The following SLF1 variants were observed in gnomAD, a reference collection of about 807,000 sequenced individuals.
SLF1 encodes SMC5/6 complex localization factor 1, also known as SMC5-SMC6 complex localization factor protein 1.
Under a neutral mutation model 123.0 loss-of-function variants are expected in SLF1, and 105 were observed. The ratio of observed to expected loss-of-function variants is 0.85; its 90% CI spans 0.73 to 1.00. The LOEUF is 1.00. SLF1 is among the 50% of genes least tolerant of loss of function. SLF1 has a pLI of 0.00. For missense variants in SLF1, 1,239 were observed against 1,223.0 expected, an observed-to-expected ratio of 1.01 and a Z score of -0.20; for synonymous variants, 434 against 406.6, an observed-to-expected ratio of 1.07 and a Z score of -0.81.
rs1330408055 is a variant in SLF1, at chr5:94,692,227, A to C, written c.2666A>C (p.Glu889Ala). The C allele has an allele frequency of 2.5e-6, 4 of 1,613,560 alleles. No individual in the cohort carries two copies. The Admixed American group carries it at 6.7e-5, about 27-fold the overall frequency. ...GATGCACTGTCAAACGGACATGTAGAAATTGGCAAGCTGCTACTACAGCAT... is the reference window on the plus strand; with the variant it reads ...GATGCACTGTCAAACGGACATGTAGCAATTGGCAAGCTGCTACTACAGCAT... ...LHDALSNGHV[E>A]IGKLLLQHGG... The change falls in exon 20 of 21, where the codon GAA (glutamate) becomes GCA (alanine). Residue 889 changes from glutamate to alanine, a missense_variant. Physicochemically the swap from Glu to Ala is moderately radical, Grantham distance 107 (BLOSUM62 -1). Coordinates refer to ENST00000265140, the MANE Select transcript of SLF1 (RefSeq NM_032290.4).
rs770598719 is a variant in SLF1 at position 94,695,196 on chromosome 5, C to T, written c.3061C>T (p.Leu1021Phe). 3 of 1,612,654 alleles carry T rather than the reference C, an allele frequency of 1.9e-6. No homozygotes were observed. In the Admixed American group the frequency reaches 5.0e-5, roughly 27 times the overall value. ...YAGNIKTLQK[L>F]PHILKELPEN... is the part of the protein sequence containing the mutation. ...TGGAAATATAAAGACATTGCAGAAA[C>T]TCCCACACATTCTTAAGGAACTGCC... The change falls in exon 21 of 21, where the codon CTC becomes TTC. Residue 1021 changes from leucine (L) to phenylalanine (F), a missense_variant. Physicochemically the swap from Leu to Phe is conservative, Grantham distance 22. Transcript: ENST00000265140.
chr5:94,642,214 G>A (rs1463711237), intron 4 of SLF1, among the ~76,000 whole-genome samples: 1 of 152,112 alleles, frequency 6.6e-6, no homozygotes, highest in Admixed American at 6.5e-5. Context: ...ACATCTATCC[G>A]TTAATGGCAG....
At chr5:94,628,529 C>T (rs921666282) in intron 1 of SLF1, among the ~76,000 whole-genome samples, 1 of 152,210 alleles carries the variant, frequency 6.6e-6, no homozygotes, top group Non-Finnish European at 1.5e-5. Context: ...ATTTATTCAT[C>T]AATGTGTTTT....
chr5:94,629,880 C>A (rs952549783), intron 3 of SLF1, among the ~76,000 whole-genome samples: 1 of 152,134 alleles, frequency 6.6e-6, no homozygotes, highest in Non-Finnish European at 1.5e-5. Context: ...TGTGGAGGCT[C>A]ATGCCTGTAA....
At chr5:94,632,982 C>T (rs975634726) in intron 4 of SLF1, among the ~76,000 whole-genome samples, 2 of 150,810 alleles carry the variant, frequency 1.3e-5, no homozygotes, top group African/African-American at 4.9e-5. Context: ...AGCCACCGCG[C>T]CCGACCTTTA....
intron 5 of SLF1, among the ~76,000 whole-genome samples, chr5:94,643,983 C>T (rs769704163): frequency 1.2e-4 from 18 of 152,074 alleles, no homozygotes; most frequent in East Asian, 7.7e-4. Context: ...TTTCCCATCT[C>T]GTAGATACCA....
chr5:94,631,473 A>G (rs547108800), intron 4 of SLF1, among the ~76,000 whole-genome samples: 1 of 152,198 alleles, frequency 6.6e-6, no homozygotes, highest in African/African-American at 2.4e-5. Context: ...GACTAGATGT[A>G]TACTTTTTAA....
intron 18 of SLF1, among the ~76,000 whole-genome samples, chr5:94,690,562 ATATAG>A: frequency 6.6e-6 from 1 of 152,274 alleles, no homozygotes; most frequent in South Asian, 2.1e-4. Flanking sequence ...GAGAATTGAG[ATATAG>A]TAGAGAAAAA....
At chr5:94,682,642 A>T (rs1181945662) in intron 15 of SLF1, among the ~76,000 whole-genome samples, 1 of 152,230 alleles carries the variant, frequency 6.6e-6, no homozygotes, top group African/African-American at 2.4e-5. Flanking sequence ...AATTAAGGCA[A>T]CAGATATTTT....
chr5:94,631,799 T>C (rs1054871256), intron 4 of SLF1, among the ~76,000 whole-genome samples: 2 of 152,090 alleles, frequency 1.3e-5, no homozygotes, highest in Non-Finnish European at 2.9e-5. Flanking sequence ...GAGATGGCAA[T>C]TATGTGTGTA....
intron 12 of SLF1, among the ~76,000 whole-genome samples, chr5:94,669,252 A>C (rs550489569): frequency 1.3e-5 from 2 of 152,300 alleles, no homozygotes; most frequent in South Asian, 2.1e-4. Flanking sequence ...CTATGTGGGC[A>C]TGAAGGATCT....
intron 9 of SLF1, among the ~76,000 whole-genome samples, chr5:94,657,321 T>C (rs139060096): frequency 3.6e-4 from 55 of 152,166 alleles, no homozygotes; most frequent in African/African-American, 1.2e-3. Flanking sequence ...TTTAGGAACA[T>C]GTGATTTTAT....
At position 94,628,833 on chromosome 5, in the gene SLF1, A is replaced by G. The variant is rs1585101744; in HGVS notation, c.23A>G (p.His8Arg). The G allele has an allele frequency of 1.3e-6, 2 of 1,548,076 alleles. No individual in the cohort carries two copies. Among genetic ancestry groups the G allele is most frequent in the African/African-American group, 2.7e-5 (2 of 72,880 alleles). Residue 8 changes from histidine (H) to arginine (R), a missense_variant, in exon 2 of 21, where the codon CAT (histidine) becomes CGT (arginine). Transcript: ENST00000265140. MEDGTPK[H>R]IIQMTGFKME... The stretch of plus-strand genomic sequence containing the variant: ...TAGATGGAAGATGGTACCCCAAAGC[A>G]TATCATCCAGATGACAGGATTTAAG...
At position 94,693,845 on chromosome 5, in the gene SLF1, T is replaced by G. The variant is rs189449340; in HGVS notation, c.2696-986T>G. 2.0e-4 allele frequency among the ~76,000 whole-genome samples: 30 copies of G among 151,938 alleles called. No homozygotes were observed. The East Asian group carries it at 5.0e-3, about 26-fold the overall frequency. On this transcript the variant is annotated intron_variant, in intron 20 of 20. Coordinates refer to ENST00000265140, the MANE Select transcript of SLF1 (RefSeq NM_032290.4). ...GGAGCCTAATTTTGTTTTAGAATTA[T>G]CTTCTTTCCATAAATTATACATTAA...
intron 15 of SLF1, among the ~76,000 whole-genome samples, chr5:94,685,173 G>A (rs1321986333): frequency 6.6e-6 from 1 of 152,158 alleles, no homozygotes; most frequent in African/African-American, 2.4e-5. Context: ...ACATTGACTG[G>A]GTGTCTGCAT....
chr5:94,696,026 G>A lies in SLF1; in HGVS notation c.*714G>A, dbSNP rs1166691877. On this transcript the variant is annotated 3_prime_UTR_variant, in exon 21 of 21. Transcript: ENST00000265140. ...TACCTGAAAACATTCTGCTGCATAG[G>A]TTTATGAGTTTAATATTAAGATATT... The A allele has an allele frequency of 2.6e-5, 4 of 151,656 alleles. No homozygotes were observed. Among genetic ancestry groups the A allele is most frequent in the Non-Finnish European group, 4.4e-5 (3 of 67,782 alleles). 9.4% of individuals were successfully genotyped at this position (151,656 alleles called of 1,614,324 possible). A position where few individuals can be genotyped will look rare whatever the true frequency, so the allele number is the denominator to read the frequency against.
chr5:94,679,067 ATAGT>A, intron 15 of SLF1, 112 bp downstream of exon 15: 1 of 1,184,562 alleles, frequency 8.4e-7, no homozygotes, highest in East Asian at 2.4e-5. Context: ...TTTCCTTAAA[ATAGT>A]TATGGATGCA....
chr5:94,691,313 A>C, intron 18 of SLF1: 1 of 429,100 alleles, frequency 2.3e-6, no homozygotes, highest in Non-Finnish European at 4.1e-6. Context: ...CCTGTGTTAA[A>C]CCTTTTGCAG....
chr5:94,654,573 T>A, intron 8 of SLF1, 57 bp from the exon 9 acceptor site: 15 of 1,370,318 alleles, frequency 1.1e-5, no homozygotes, highest in Non-Finnish European at 1.5e-5. Flanking sequence ...TGATATCATC[T>A]GTGTTGACAC....
Sources: gnomAD v4.1 joint callset for allele counts (sites outside exome capture counted in the v4.1 genomes callset) on GRCh38, gnomAD v4.1.1 for gene constraint, MANE v1.5 for transcripts, NCBI Gene and HGNC (gene_info 2026-07-23, HGNC 2026-07-21) for gene names.